PCDHA2: variants seen among roughly 807,000 people sequenced by gnomAD.
PCDHA2 encodes protocadherin alpha 2, also known as protocadherin alpha-2.
PCDHA2 carries 58 observed loss-of-function variants against 66.0 expected under a neutral mutation model. The ratio of observed to expected loss-of-function variants is 0.88; its 90% confidence interval spans 0.71 to 1.09. The LOEUF (loss-of-function observed/expected upper bound fraction) is 1.09. PCDHA2 is among the 50% of genes least tolerant of loss of function. The pLI is 0.00. For missense variants in PCDHA2, 1,267 were observed against 1,242.3 expected, an observed-to-expected ratio of 1.02 and a Z score of -0.30; for synonymous variants, 634 against 554.0, an observed-to-expected ratio of 1.14 and a Z score of -2.03.
At chr5:141,007,677 T>C (rs2098339934) in intron 3 of PCDHA2, among the ~76,000 whole-genome samples, 1 of 152,158 alleles carries the variant, frequency 6.6e-6, no homozygotes, top group South Asian at 2.1e-4. Flanking sequence ...AGACAAAAGT[T>C]ATCCTACTTC....
intron 1 of PCDHA2, chr5:140,812,064 T>G (rs1765026594): frequency 6.6e-6 from 1 of 151,886 alleles, no homozygotes; most frequent in African/African-American, 2.4e-5. Context: ...TTTTTTTTTT[T>G]GGAAGAGTTT....
intron 1 of PCDHA2, chr5:140,803,739 G>C (rs182945871): frequency 0.01 from 13,996 of 1,397,658 alleles, 104 homozygotes; most frequent in Non-Finnish European, 0.012. Flanking sequence ...TGGTTAAAAC[G>C]GTAAGATTTT....
chr5:140,819,450 C>T (rs940484263), intron 1 of PCDHA2, among the ~76,000 whole-genome samples: 2 of 151,990 alleles, frequency 1.3e-5, no homozygotes, highest in African/African-American at 4.8e-5. Flanking sequence ...ATTTTTTTCT[C>T]AAGGAAGAAC....
At chr5:140,877,798 CT>C (rs782663782) in intron 1 of PCDHA2, 1 of 1,613,568 alleles carries the variant, frequency 6.2e-7, no homozygotes, top group Non-Finnish European at 8.5e-7. Context: ...CAGCCCAAGC[CT>C]TCAGCTGTCT....
At chr5:140,849,552 A>C (rs2150440271) in intron 1 of PCDHA2, 1 of 1,598,478 alleles carries the variant, frequency 6.3e-7, no homozygotes, top group South Asian at 1.1e-5. Context: ...GTTGACTATC[A>C]AAACGCTCTC....
intron 1 of PCDHA2, among the ~76,000 whole-genome samples, chr5:140,827,222 G>A (rs1269861072): frequency 2.0e-5 from 3 of 152,150 alleles, no homozygotes; most frequent in Non-Finnish European, 4.4e-5. Context: ...TAAAGGAAAG[G>A]ATATGGGACA....
intron 1 of PCDHA2, among the ~76,000 whole-genome samples, chr5:140,905,993 TG>T (rs1314051308): frequency 6.6e-6 from 1 of 152,176 alleles, no homozygotes; most frequent in African/African-American, 2.4e-5. Flanking sequence ...AGATGTAGGC[TG>T]GGAGGCTAAG....
intron 1 of PCDHA2, chr5:140,877,392 G>A: frequency 1.2e-6 from 2 of 1,613,970 alleles, no homozygotes; most frequent in Non-Finnish European, 1.7e-6. Flanking sequence ...TGGATGAGGC[G>A]GACGCTCCGC....
At position 140,927,719 on chromosome 5, in the gene PCDHA2, C is replaced by A. The variant is rs144571902; in HGVS notation, c.2389-51230C>A. Reference sequence around the variant, plus strand: ...GTCCAGTACTCCCTAAGCAACAGCACGCAAGCAGAGCTGCGACACCGCTTT... The same window carrying A: ...GTCCAGTACTCCCTAAGCAACAGCAAGCAAGCAGAGCTGCGACACCGCTTT... On this transcript the variant is annotated intron_variant, in intron 1 of 3. Transcript: ENST00000526136. The A allele has an allele frequency of 2.2e-4, 352 of 1,614,178 alleles. No individual in the cohort carries two copies. In the Middle Eastern group the frequency reaches 2.3e-3, roughly 11 times the overall value.
Position 141,009,908 on chromosome 5 carries a change from A to G in PCDHA2, c.2818A>G (p.Asn940Asp), listed in dbSNP as rs1295693430. The G allele has an allele frequency of 6.2e-7, 1 of 1,612,848 alleles. No individual in the cohort carries two copies. Among genetic ancestry groups the G allele is most frequent in the Non-Finnish European group, 8.5e-7 (1 of 1,179,798 alleles). Residue 940 changes from asparagine to aspartate, a missense_variant, in exon 4 of 4, where the codon AAC (asparagine) becomes GAC (aspartate). By Grantham distance (23) the Asn-to-Asp change is conservative (BLOSUM62 1). Transcript: ENST00000526136. Reference sequence around the variant, plus strand: ...GACCCAGGAGAAAAAAGAGAAAGGGAACAGCACGACTGACAACAGTGACCA... The same window carrying G: ...GACCCAGGAGAAAAAAGAGAAAGGGGACAGCACGACTGACAACAGTGACCA... ...NKTQEKKEKG[N>D]STTDNSDQ
At chr5:140,845,811 T>C (rs200141146) in intron 1 of PCDHA2, among the ~76,000 whole-genome samples, 1 of 149,748 alleles carries the variant, frequency 6.7e-6, no homozygotes, top group South Asian at 2.1e-4. Context: ...GATAGGTACA[T>C]AATAAAATTT....
intron 1 of PCDHA2, chr5:140,841,953 T>A: frequency 6.2e-7 from 1 of 1,613,834 alleles, no homozygotes; most frequent in Non-Finnish European, 8.5e-7. Flanking sequence ...CACCACTTAT[T>A]CCTGACAGCC....
At chr5:140,886,507 G>A (rs2061007189) in intron 1 of PCDHA2, among the ~76,000 whole-genome samples, 1 of 151,788 alleles carries the variant, frequency 6.6e-6, no homozygotes, top group South Asian at 2.1e-4. Context: ...TCCTTTTATG[G>A]ATTTTAAGGT....
intron 3 of PCDHA2, among the ~76,000 whole-genome samples, chr5:141,004,566 T>C (rs2098171206): frequency 6.6e-6 from 1 of 152,186 alleles, no homozygotes; most frequent in Non-Finnish European, 1.5e-5. Context: ...GATGAACATA[T>C]CTCTGTGTTC....
chr5:140,857,187 C>T (rs202051639), intron 1 of PCDHA2: 3 of 1,598,516 alleles, frequency 1.9e-6, no homozygotes, highest in Admixed American at 1.7e-5. Context: ...GATTCAGGAG[C>T]CAACGGACAG....
intron 1 of PCDHA2, among the ~76,000 whole-genome samples, chr5:140,896,197 T>G (rs911999135): frequency 2.0e-5 from 3 of 152,280 alleles, no homozygotes; most frequent in Non-Finnish European, 2.9e-5. Flanking sequence ...AGTGCCATGA[T>G]GAACATACAC....
chr5:140,813,253 A>G (rs1210796090), intron 1 of PCDHA2: 1 of 152,342 alleles, frequency 6.6e-6, no homozygotes, highest in East Asian at 1.9e-4. Context: ...ATCTCCTACT[A>G]CAGTCATTGG....
chr5:140,806,980 G>A (rs929545249), intron 1 of PCDHA2: 11 of 635,012 alleles, frequency 1.7e-5, no homozygotes, highest in Middle Eastern at 2.5e-4. Context: ...CTTACGGTTT[G>A]GAGCCACATG....
intron 3 of PCDHA2, among the ~76,000 whole-genome samples, chr5:140,985,013 C>T (rs1022576947): frequency 8.6e-5 from 13 of 152,046 alleles, no homozygotes; most frequent in Non-Finnish European, 1.3e-4. Context: ...TATCGGCTCA[C>T]AGCAACCTCT....
Sources: allele counts gnomAD v4.1 joint callset (sites outside exome capture counted in the v4.1 genomes callset), GRCh38; gene constraint gnomAD v4.1.1; transcripts MANE v1.5; gene names NCBI Gene and HGNC (gene_info 2026-07-23, HGNC 2026-07-21).